SLC7A11: variants seen among roughly 807,000 people sequenced by gnomAD.
The protein encoded by SLC7A11 is solute carrier family 7 member 11.
Under a neutral mutation model 54.5 loss-of-function variants are expected in SLC7A11, and 35 were observed. The ratio of observed to expected loss-of-function variants is 0.64; its 90% CI spans 0.49 to 0.85. The LOEUF (loss-of-function observed/expected upper bound fraction) is 0.85. Ranked by LOEUF, SLC7A11 falls within the 40% of genes least tolerant of loss-of-function variation. The pLI, the probability that SLC7A11 is intolerant of heterozygous loss-of-function variation, is 0.00. For synonymous variants in SLC7A11, 230 were observed against 225.2 expected (o/e 1.02, Z -0.19); for missense variants, 583 against 618.1 (o/e 0.94, Z 0.60).
intron 3 of SLC7A11, among the ~76,000 whole-genome samples, chr4:138,226,479 C>T (rs995079455): frequency 5.3e-5 from 8 of 152,038 alleles, no homozygotes; most frequent in South Asian, 4.2e-4. Context: ...AGCATCCAGA[C>T]ATTGTACTCA....
At chr4:138,182,197 G>T (rs1349609158) in intron 9 of SLC7A11, 100 bp downstream of exon 9, 5 of 711,954 alleles carry the variant, frequency 7.0e-6, no homozygotes, top group Non-Finnish European at 1.2e-5. Context: ...CATTAGCAAT[G>T]AATGAGAAAG....
At position 138,214,545 on chromosome 4, in the gene SLC7A11, TA is replaced by T. The variant is rs746718769; in HGVS notation, c.791+39del. The T allele has an allele frequency of 4.3e-4, 525 of 1,230,352 alleles. 4 individuals carry two copies. The highest frequency in any genetic ancestry group is 3.9e-4 in the Middle Eastern group (2 of 5,156). 76.2% of individuals were successfully genotyped at this position (1,230,352 alleles called of 1,614,324 possible). On this transcript the variant is annotated intron_variant, in intron 6 of 11. Coordinates refer to ENST00000280612, the MANE Select transcript of SLC7A11 (RefSeq NM_014331.4). ...TTTTAAACTATGTAATCTTAAATTT[TA>T]TTCTTCATAAAAATTTCAGGGTACA... is the stretch of plus-strand genomic sequence containing the variant.
In SLC7A11 at chr4:138,164,404, C is replaced by G. The variant is rs1465118160; in HGVS notation, c.*7552G>C. ...ACCATCTGGCATTGTGATTGCAGTA[C>G]CAGAACTCTCCCCAGAGGGAACTCA... On this transcript the variant is annotated 3_prime_UTR_variant, in exon 12 of 12. Transcript: ENST00000280612. The G allele has an allele frequency of 6.6e-6, 1 of 152,110 alleles. No individual in the cohort carries two copies. The highest frequency in any genetic ancestry group is 1.5e-5 in the Non-Finnish European group (1 of 67,998). 9.4% of individuals were successfully genotyped at this position (152,110 alleles called of 1,614,324 possible).
intron 3 of SLC7A11, among the ~76,000 whole-genome samples, chr4:138,230,438 GA>G (rs1427379281): frequency 6.7e-6 from 1 of 148,858 alleles, no homozygotes; most frequent in Non-Finnish European, 1.5e-5. Flanking sequence ...AAAAAATAAT[GA>G]AAAAGAATGT....
intron 5 of SLC7A11, among the ~76,000 whole-genome samples, chr4:138,215,022 C>G (rs1737647497): frequency 6.6e-6 from 1 of 152,076 alleles, no homozygotes; most frequent in Non-Finnish European, 1.5e-5. Context: ...CCTTTAAGAA[C>G]TGCTTTATCT....
At chr4:138,209,896 T>A (rs1026088682) in intron 6 of SLC7A11, among the ~76,000 whole-genome samples, 1 of 151,922 alleles carries the variant, frequency 6.6e-6, no homozygotes. Context: ...AAAACTATTC[T>A]AAAATGCATA....
intron 6 of SLC7A11, among the ~76,000 whole-genome samples, chr4:138,212,551 T>C (rs1737574091): frequency 6.6e-6 from 1 of 151,522 alleles, no homozygotes; most frequent in African/African-American, 2.4e-5. Flanking sequence ...CACTGTTCCT[T>C]AGTATCTGTG....
chr4:138,196,494 G>T (rs1157216642), intron 6 of SLC7A11, among the ~76,000 whole-genome samples: 1 of 152,082 alleles, frequency 6.6e-6, no homozygotes, highest in Non-Finnish European at 1.5e-5. Context: ...AGCTCCCTCC[G>T]TGACGACTGA....
At chr4:138,177,454 TCTCTCTCTTTCC>T (rs1309608640) in intron 11 of SLC7A11, 5 of 151,530 alleles carry the variant, frequency 3.3e-5, no homozygotes, top group African/African-American at 1.2e-4. Flanking sequence ...TCTCTCTCTG[TCTCTCTCTTTCC>T]CTCTCTCTCT....
intron 6 of SLC7A11, among the ~76,000 whole-genome samples, chr4:138,201,226 A>T (rs188861838): frequency 1.4e-3 from 207 of 152,254 alleles, no homozygotes; most frequent in African/African-American, 4.6e-3. Flanking sequence ...ACTTGATATC[A>T]TGAACTATTT....
At chr4:138,214,545 T>C in intron 6 of SLC7A11, 40 bp downstream of exon 6, 1 of 1,230,356 alleles carries the variant, frequency 8.1e-7, no homozygotes. Context: ...TCTTAAATTT[T>C]ATTCTTCATA....
intron 4 of SLC7A11, among the ~76,000 whole-genome samples, chr4:138,221,802 AAAG>A (rs1405954685): frequency 6.6e-6 from 1 of 152,208 alleles, no homozygotes; most frequent in African/African-American, 2.4e-5. Context: ...ATTACACCAA[AAAG>A]AAGAAGAAAA....
intron 4 of SLC7A11, among the ~76,000 whole-genome samples, chr4:138,221,032 A>G (rs964082424): frequency 6.6e-6 from 1 of 152,230 alleles, no homozygotes; most frequent in Non-Finnish European, 1.5e-5. Flanking sequence ...GGAGAAAAAT[A>G]TAAATAGTGG....
intron 1 of SLC7A11, among the ~76,000 whole-genome samples, chr4:138,241,472 C>A (rs1326696082): frequency 6.6e-6 from 1 of 152,110 alleles, no homozygotes; most frequent in Non-Finnish European, 1.5e-5. Flanking sequence ...TGTACAACTG[C>A]CCGGCACAGA....
intron 4 of SLC7A11, among the ~76,000 whole-genome samples, chr4:138,220,273 A>G (rs905737428): frequency 6.6e-5 from 10 of 152,178 alleles, no homozygotes; most frequent in East Asian, 1.9e-4. Flanking sequence ...TTCTTTATCT[A>G]TAAGTTAAAA....
rs890147974 is a variant in SLC7A11, at chr4:138,165,385, CAA to C, written c.*6569_*6570del. 2.2e-4 allele frequency: 33 copies of C among 152,668 alleles called. No individual in the cohort carries two copies. The highest frequency in any genetic ancestry group is 7.0e-4 in the African/African-American group (29 of 41,558). The allele number at this position is 152,668 out of a possible 1,614,324, so 9.5% of individuals were successfully genotyped here. A position where few individuals can be genotyped will look rare whatever the true frequency, so the allele number is the denominator to read the frequency against. On this transcript the variant is annotated 3_prime_UTR_variant, in exon 12 of 12. Transcript: ENST00000280612. ...AATAAGTTTGCCGAAGTATTCAGTA[CAA>C]GAGGCCATTTGTCTTGCCTTTTTCT...
intron 4 of SLC7A11, among the ~76,000 whole-genome samples, chr4:138,221,471 A>G (rs1737810890): frequency 6.6e-6 from 1 of 152,224 alleles, no homozygotes; most frequent in Admixed American, 6.5e-5. Flanking sequence ...TCACAATTTT[A>G]CAGCAATCGA....
At position 138,169,097 on chromosome 4, in the gene SLC7A11, A is replaced by G. The variant is rs971868749; in HGVS notation, c.*2859T>C. 1 of 152,152 alleles carries G rather than the reference A, an allele frequency of 6.6e-6. No individual in the cohort carries two copies. Among genetic ancestry groups the G allele is most frequent in the Admixed American group, 6.5e-5 (1 of 15,268 alleles). 9.4% of individuals were successfully genotyped at this position (152,152 alleles called of 1,614,324 possible). A position where few individuals can be genotyped will look rare whatever the true frequency, so the allele number is the denominator to read the frequency against. The stretch of plus-strand genomic sequence containing the variant: ...ATTCATTACTTTTACTGTTTATGTT[A>G]TAATAAACTTATGTATATAAACATT... On this transcript the variant is annotated 3_prime_UTR_variant, in exon 12 of 12. Transcript: ENST00000280612.
At chr4:138,176,128 G>C (rs1353984375) in intron 11 of SLC7A11, 1 of 152,032 alleles carries the variant, frequency 6.6e-6, no homozygotes, top group African/African-American at 2.4e-5. Flanking sequence ...TTGGCCAAAG[G>C]CTAAGAAAAT....
Sources: allele counts gnomAD v4.1 joint callset (sites outside exome capture counted in the v4.1 genomes callset), GRCh38; gene constraint gnomAD v4.1.1; transcripts MANE v1.5; gene names NCBI Gene and HGNC (gene_info 2026-07-23, HGNC 2026-07-21).